The following TMEM179 variants were observed in gnomAD, a reference collection of about 807,000 sequenced individuals.
TMEM179 encodes transmembrane protein 179A.
Under a neutral mutation model 22.2 loss-of-function variants are expected in TMEM179, and 17 were observed. That is an observed-to-expected ratio of 0.77 (90% CI 0.52 to 1.15). The LOEUF is 1.15. TMEM179 is among the 50% of genes most tolerant of loss of function. The pLI is 0.00. For synonymous variants in TMEM179, 127 were observed against 140.5 expected (o/e 0.90, Z 0.68); for missense variants, 265 against 313.6 (o/e 0.84, Z 1.17).
Position 104,593,470 on chromosome 14 carries a change from G to A in TMEM179, c.*9C>T, listed in dbSNP as rs1380519105. 1.9e-5 allele frequency: 29 copies of A among 1,536,030 alleles called. No homozygotes were observed. Among genetic ancestry groups the A allele is most frequent in the Non-Finnish European group, 2.2e-5 (25 of 1,146,828 alleles). On this transcript the variant is annotated 3_prime_UTR_variant, in exon 4 of 4. Coordinates refer to ENST00000556573, the MANE Select transcript of TMEM179 (RefSeq NM_001286389.2). ...AGGTCGGGGCCAGCTCCCCCTGCCT[G>A]CACTGTGCCTAAATGACAGCGCTCT...
intron 3 of TMEM179, chr14:104,594,474 C>A: frequency 1.6e-6 from 2 of 1,231,826 alleles, no homozygotes; most frequent in Non-Finnish European, 2.0e-6. Flanking sequence ...CACCCCTCAT[C>A]TGCCTCATCT....
intron 3 of TMEM179, chr14:104,594,107 T>C: frequency 8.1e-7 from 1 of 1,233,418 alleles, no homozygotes; most frequent in Non-Finnish European, 1.0e-6. Context: ...GAGAAACAAT[T>C]TAATCAGAAC....
Position 104,591,815 on chromosome 14 carries a change from G to A in TMEM179, c.*1664C>T, listed in dbSNP as rs115562406. 4.2e-3 allele frequency: 840 copies of A among 200,770 alleles called. 9 individuals are homozygous for A. Among genetic ancestry groups the A allele is most frequent in the African/African-American group, 0.019 (794 of 41,892 alleles). The allele number at this position is 200,770 out of a possible 1,614,324, so 12.4% of individuals were successfully genotyped here. A position where few individuals can be genotyped will look rare whatever the true frequency, so the allele number is the denominator to read the frequency against. On this transcript the variant is annotated 3_prime_UTR_variant, in exon 4 of 4. Coordinates refer to ENST00000556573, the MANE Select transcript of TMEM179 (RefSeq NM_001286389.2). ...CCCCGGGAAGGTGGGCGCAGCAGCA[G>A]GGAGCACTTGGCAGCACTCGAGCCA...
rs541578523 is a variant in TMEM179, at chr14:104,593,670, G to C, written c.523-12C>G. On this transcript the variant is annotated splice_polypyrimidine_tract_variant and intron_variant, in intron 3 of 3. Coordinates refer to ENST00000556573, the MANE Select transcript of TMEM179 (RefSeq NM_001286389.2). The stretch of plus-strand genomic sequence containing the variant: ...GCCCAGAGGCCAAACTGCACAGAGG[G>C]CAGGGTCAGGGTCAGAAGCCGTTGG... The C allele has an allele frequency of 2.1e-6, 3 of 1,460,434 alleles. No homozygotes were observed. The highest frequency in any genetic ancestry group is 2.7e-6 in the Non-Finnish European group (3 of 1,108,202). The allele number at this position is 1,460,434 out of a possible 1,614,324, so 90.5% of individuals were successfully genotyped here. A position where few individuals can be genotyped will look rare whatever the true frequency, so the allele number is the denominator to read the frequency against.
Position 104,597,107 on chromosome 14 carries a change from A to G in TMEM179, c.326T>C (p.Leu109Pro), listed in dbSNP as rs1177560062. Residue 109 changes from leucine to proline, a missense_variant, in exon 2 of 4, where the codon CTG (leucine) becomes CCG (proline). Leu to Pro is a moderately conservative substitution (Grantham distance 98). Coordinates refer to ENST00000556573, the MANE Select transcript of TMEM179 (RefSeq NM_001286389.2). The surrounding 1 kb of genome is among the most constrained non-coding windows in gnomAD (Gnocchi z 4.8). ...GHEGSFFSAF[L>P]NLLVSAFVVF... ...CACGAAGGCGCTGACCAGGAGGTTC[A>G]GGAAGGCGGAGAAGAAGGAGCTGCA... The G allele has an allele frequency of 3.7e-6, 6 of 1,601,688 alleles. No individual in the cohort carries two copies. Among genetic ancestry groups the G allele is most frequent in the Non-Finnish European group, 5.1e-6 (6 of 1,175,016 alleles).
In TMEM179 at chr14:104,604,412, C is replaced by T. The variant is rs1456618077; in HGVS notation, c.305+25G>A. Reference sequence around the variant, plus strand: ...GGCGCTGGGGGCATGGAAGGGGCGCCGCGCCGGGAGCGGCCCCCACTTACC... The same window carrying T: ...GGCGCTGGGGGCATGGAAGGGGCGCTGCGCCGGGAGCGGCCCCCACTTACC... On this transcript the variant is annotated intron_variant, in intron 1 of 3. Coordinates refer to ENST00000556573, the MANE Select transcript of TMEM179 (RefSeq NM_001286389.2). The surrounding 1 kb of genome is among the most constrained non-coding windows in gnomAD (Gnocchi z 4.6). 6.7e-7 allele frequency: 1 copy of T among 1,493,754 alleles called. No homozygotes were observed. The highest frequency in any genetic ancestry group is 1.3e-5 in the South Asian group (1 of 76,438). The allele number at this position is 1,493,754 out of a possible 1,614,324, so 92.5% of individuals were successfully genotyped here.
At chr14:104,602,031 A>T (rs569300071) in intron 1 of TMEM179, among the ~76,000 whole-genome samples, 1 of 152,268 alleles carries the variant, frequency 6.6e-6, no homozygotes, top group South Asian at 2.1e-4. Flanking sequence ...AACACCACAA[A>T]GAGTGCTGGG....
intron 1 of TMEM179, among the ~76,000 whole-genome samples, chr14:104,599,226 G>A (rs964407739): frequency 1.3e-5 from 2 of 149,594 alleles, no homozygotes; most frequent in African/African-American, 2.5e-5. Flanking sequence ...TTCAGAGTGC[G>A]TCTCCTTCTC....
intron 1 of TMEM179, among the ~76,000 whole-genome samples, chr14:104,603,691 G>C (rs534432919): frequency 3.9e-5 from 6 of 151,904 alleles, no homozygotes; most frequent in African/African-American, 1.5e-4. Flanking sequence ...GCTCACAGAG[G>C]GAGTGGGAGG....
rs1887331480 is a variant in TMEM179, at chr14:104,604,039, C to G, written c.305+398G>C. 6.6e-6 allele frequency among the ~76,000 whole-genome samples: 1 copy of G among 152,198 alleles called. No homozygotes were observed. The highest frequency in any genetic ancestry group is 2.4e-5 in the African/African-American group (1 of 41,454). ...CCCCAGTTCGCCTTGTCACTGGGAC[C>G]TGGAGAGCTCAGTGCAAGCCCTAGA... On this transcript the variant is annotated intron_variant, in intron 1 of 3. Coordinates refer to ENST00000556573, the MANE Select transcript of TMEM179 (RefSeq NM_001286389.2). The surrounding 1 kb of genome is among the most constrained non-coding windows in gnomAD (Gnocchi z 4.6).
At position 104,597,524 on chromosome 14, in the gene TMEM179, CAT is replaced by C. The variant is rs2140488098; in HGVS notation, c.306-399_306-398del. Among the ~76,000 whole-genome samples the C allele has an allele frequency of 6.6e-6, 1 of 152,254 alleles. No homozygotes were observed. Among genetic ancestry groups the C allele is most frequent in the Admixed American group, 6.5e-5 (1 of 15,306 alleles). ...CCAGGTGCTTGTGTCCCCCCAAATC[CAT>C]ATGTTCCAGTCCACTGAGGGGTTAG... is the stretch of plus-strand genomic sequence containing the variant. On this transcript the variant is annotated intron_variant, in intron 1 of 3. Coordinates refer to ENST00000556573, the MANE Select transcript of TMEM179 (RefSeq NM_001286389.2). This position sits in a 1 kb window ranked among gnomAD's most constrained non-coding sequence, Gnocchi z 4.8.
At chr14:104,598,608 G>A (rs933954813) in intron 1 of TMEM179, among the ~76,000 whole-genome samples, 3 of 152,242 alleles carry the variant, frequency 2.0e-5, no homozygotes, top group Non-Finnish European at 4.4e-5. Flanking sequence ...TACAAAAGAC[G>A]AAGTCCTGGC....
At chr14:104,603,433 C>G (rs1887303592) in intron 1 of TMEM179, among the ~76,000 whole-genome samples, 1 of 151,522 alleles carries the variant, frequency 6.6e-6, no homozygotes, top group African/African-American at 2.4e-5. Flanking sequence ...GGAACCTCTA[C>G]AGGATCTCGG....
rs1033116203 is a variant in TMEM179 at position 104,604,348 on chromosome 14, G to A, written c.305+89C>T. On this transcript the variant is annotated intron_variant, in intron 1 of 3. Transcript: ENST00000556573. This position sits in a 1 kb window ranked among gnomAD's most constrained non-coding sequence, Gnocchi z 4.6. ...CGGGCCTCGGAGCTGCCTGAGAGAC[G>A]GAGGGACTCGCGCGCCTCCCCGGGG... The A allele has an allele frequency of 2.9e-6, 4 of 1,364,134 alleles. No homozygotes were observed. Among genetic ancestry groups the A allele is most frequent in the South Asian group, 1.5e-5 (1 of 64,924 alleles). The allele number at this position is 1,364,134 out of a possible 1,614,324, so 84.5% of individuals were successfully genotyped here.
intron 1 of TMEM179, among the ~76,000 whole-genome samples, chr14:104,598,835 C>G (rs543753851): frequency 9.8e-5 from 15 of 152,342 alleles, no homozygotes; most frequent in Admixed American, 7.2e-4. Flanking sequence ...GAGTCCCAGA[C>G]AAGGGGAGAG....
chr14:104,598,215 G>A (rs180937526), intron 1 of TMEM179, among the ~76,000 whole-genome samples: 104 of 152,320 alleles, frequency 6.8e-4, no homozygotes, highest in Non-Finnish European at 1.4e-3. Flanking sequence ...GCTCCGGGGG[G>A]TAGGGAGAGG....
At chr14:104,594,450 C>T (rs1886949866) in intron 3 of TMEM179, 2 of 1,231,684 alleles carry the variant, frequency 1.6e-6, no homozygotes, top group Admixed American at 4.2e-5. Flanking sequence ...CTGGTCTCAG[C>T]CACCCCCACC....
intron 1 of TMEM179, among the ~76,000 whole-genome samples, chr14:104,601,136 C>A (rs1414755481): frequency 2.6e-5 from 4 of 152,238 alleles, no homozygotes; most frequent in African/African-American, 9.6e-5. Flanking sequence ...CTAGTCTATG[C>A]AGCTGGACCA....
At chr14:104,600,037 C>T (rs1335542767) in intron 1 of TMEM179, among the ~76,000 whole-genome samples, 1 of 152,200 alleles carries the variant, frequency 6.6e-6, no homozygotes, top group African/African-American at 2.4e-5. Flanking sequence ...ATGACCAGAT[C>T]GAGGAGTTCC....
Sources: gnomAD v4.1 joint callset for allele counts (sites outside exome capture counted in the v4.1 genomes callset) on GRCh38, gnomAD v4.1.1 for gene constraint, Gnocchi (gnomAD v3.1) non-coding constraint, MANE v1.5 for transcripts, NCBI Gene and HGNC (gene_info 2026-07-23, HGNC 2026-07-21) for gene names.